Variants in MTUS2 observed in about 807,000 individuals in gnomAD.
MTUS2 encodes microtubule associated scaffold protein 2, also known as microtubule-associated tumor suppressor candidate 2.
In MTUS2, 40 loss-of-function variants were observed where a neutral mutation model predicts 114.1. That is an observed-to-expected ratio of 0.35 (90% CI 0.27 to 0.46). The LOEUF is 0.46. Ranked by LOEUF, MTUS2 falls within the 20% of genes least tolerant of loss-of-function variation. The probability of loss-of-function intolerance (pLI) is 1.00; values close to 1 mark genes in which losing one functional copy is unlikely to be tolerated. For synonymous variants in MTUS2, 688 were observed against 672.0 expected, an observed-to-expected ratio of 1.02 and a Z score of -0.37; for missense variants, 1,679 against 1,705.4, an observed-to-expected ratio of 0.98 and a Z score of 0.27.
chr13:29,310,013 TTATTC>T (rs1408073118), intron 6 of MTUS2, among the ~76,000 whole-genome samples: 1 of 152,204 alleles, frequency 6.6e-6, no homozygotes. Context: ...TAGATCCTAT[TTATTC>T]TATCTAACTA....
chr13:29,323,781 G>T (rs1165104969), intron 6 of MTUS2, among the ~76,000 whole-genome samples: 25 of 152,080 alleles, frequency 1.6e-4, no homozygotes, highest in Admixed American at 1.6e-3. Context: ...GGGTTTGGGG[G>T]TGAGCATGGG....
chr13:29,474,649 A>G (rs1477348795), intron 9 of MTUS2, among the ~76,000 whole-genome samples: 8 of 152,184 alleles, frequency 5.3e-5, no homozygotes. Flanking sequence ...TGATACTACA[A>G]AAAGATTTGC....
intron 5 of MTUS2, among the ~76,000 whole-genome samples, chr13:29,105,663 T>TTTTTTTG (rs1555237248): frequency 4.3e-5 from 6 of 140,356 alleles, no homozygotes; most frequent in Non-Finnish European, 4.7e-5. Flanking sequence ...TTTTCTTTTT[T>TTTTTTTG]TCCTGGTGCA....
At chr13:29,186,524 C>T (rs1894230887) in intron 5 of MTUS2, among the ~76,000 whole-genome samples, 2 of 152,094 alleles carry the variant, frequency 1.3e-5, no homozygotes, top group African/African-American at 4.8e-5. Context: ...CAACAATTAT[C>T]ATTAGAGATG....
At chr13:29,491,445 T>C (rs2138969860) in intron 11 of MTUS2, among the ~76,000 whole-genome samples, 1 of 140,930 alleles carries the variant, frequency 7.1e-6, no homozygotes, top group South Asian at 2.4e-4. Context: ...GTGTGTGTAG[T>C]GGGTGTGTGG....
rs1424114260 is a variant in MTUS2, at chr13:29,265,030, T to C, written c.2645-16674T>C. 2.6e-5 allele frequency among the ~76,000 whole-genome samples: 4 copies of C among 152,382 alleles called. No homozygotes were observed. In the East Asian group the frequency reaches 5.8e-4, roughly 22 times the overall value. On this transcript the variant is annotated intron_variant, in intron 5 of 15. Coordinates refer to ENST00000612955, the MANE Select transcript of MTUS2 (RefSeq NM_001033602.4). Reference sequence around the variant, plus strand: ...ACCAGGCTGCAAATTTTCCAAACTTTTATGCACTGCTTCCCTTTTAAATAT... The same window carrying C: ...ACCAGGCTGCAAATTTTCCAAACTTCTATGCACTGCTTCCCTTTTAAATAT...
intron 1 of MTUS2, among the ~76,000 whole-genome samples, chr13:28,827,707 G>T (rs1209179053): frequency 1.3e-5 from 2 of 152,134 alleles, no homozygotes; most frequent in Non-Finnish European, 1.5e-5. Context: ...AGAGCTGGGT[G>T]TCTGGGGGAG....
intron 5 of MTUS2, among the ~76,000 whole-genome samples, chr13:29,276,391 G>C (rs952408846): frequency 2.0e-5 from 3 of 152,100 alleles, no homozygotes; most frequent in African/African-American, 7.2e-5. Context: ...CTTGCAAATG[G>C]TAAGTTGATG....
chr13:29,005,773 A>G (rs1442563786), intron 2 of MTUS2, among the ~76,000 whole-genome samples: 2 of 152,194 alleles, frequency 1.3e-5, no homozygotes, highest in African/African-American at 2.4e-5. Context: ...GTAACCTGGT[A>G]TTGTTAACCT....
chr13:28,964,624 A>G (rs1485982294), intron 2 of MTUS2, among the ~76,000 whole-genome samples: 1 of 151,312 alleles, frequency 6.6e-6, no homozygotes, highest in African/African-American at 2.4e-5. Flanking sequence ...GGGGATAAAC[A>G]GATCTGTTGC....
chr13:28,882,250 G>T (rs544239541), intron 2 of MTUS2, among the ~76,000 whole-genome samples: 129 of 152,144 alleles, frequency 8.5e-4, no homozygotes, highest in African/African-American at 3.0e-3. Flanking sequence ...GTAGGGGCAG[G>T]TTGGCCAGGC....
At chr13:29,486,796 T>A (rs765440204) in intron 10 of MTUS2, among the ~76,000 whole-genome samples, 7 of 152,218 alleles carry the variant, frequency 4.6e-5, no homozygotes, top group African/African-American at 7.2e-5. Flanking sequence ...CACTGTGATA[T>A]TGTGTACAAT....
At chr13:29,318,074 C>T (rs1211693984) in intron 6 of MTUS2, among the ~76,000 whole-genome samples, 3 of 152,160 alleles carry the variant, frequency 2.0e-5, no homozygotes, top group African/African-American at 7.2e-5. Flanking sequence ...GGGTCAGCCC[C>T]GTGGCATGTG....
chr13:29,144,091 G>A (rs890073394), intron 5 of MTUS2, among the ~76,000 whole-genome samples: 6 of 152,158 alleles, frequency 3.9e-5, no homozygotes, highest in Admixed American at 6.5e-5. Flanking sequence ...AAATGAAGAC[G>A]CAGTCCCTCC....
At chr13:28,989,069 T>A (rs529948920) in intron 2 of MTUS2, among the ~76,000 whole-genome samples, 1 of 152,346 alleles carries the variant, frequency 6.6e-6, no homozygotes, top group East Asian at 1.9e-4. Flanking sequence ...TGCTTTCTTG[T>A]CAGCAGTTTC....
chr13:29,078,948 G>C (rs989852473), intron 4 of MTUS2, among the ~76,000 whole-genome samples: 4 of 152,182 alleles, frequency 2.6e-5, no homozygotes, highest in African/African-American at 9.7e-5. Context: ...AAGGAGGATT[G>C]CTTGGTCACA....
At chr13:29,074,587 C>A (rs530792377) in intron 4 of MTUS2, among the ~76,000 whole-genome samples, 24 of 152,300 alleles carry the variant, frequency 1.6e-4, no homozygotes, top group Non-Finnish European at 1.5e-5. Context: ...TCTCCTACTT[C>A]TTCAGCTTTA....
intron 4 of MTUS2, among the ~76,000 whole-genome samples, chr13:29,061,385 G>A (rs1354426353): frequency 6.6e-6 from 1 of 152,174 alleles, no homozygotes; most frequent in African/African-American, 2.4e-5. Context: ...GCCTGTGTGA[G>A]TTCTGGGAAT....
In MTUS2 at chr13:29,156,414, G is replaced by A. The variant is rs9579298; in HGVS notation, c.2644+55444G>A. Among the ~76,000 whole-genome samples the A allele has an allele frequency of 1.4e-4, 22 of 151,908 alleles. No individual in the cohort carries two copies. In the South Asian group the frequency reaches 2.9e-3, roughly 20 times the overall value. ...TTTTCCAGCCTGCCAAGTGAAAATC[G>A]TGCCCATAGTTGACAAAAGGCTCCC... On this transcript the variant is annotated intron_variant, in intron 5 of 15. Transcript: ENST00000612955.
Sources: allele counts gnomAD v4.1 joint callset (sites outside exome capture counted in the v4.1 genomes callset), GRCh38; gene constraint gnomAD v4.1.1; transcripts MANE v1.5; gene names NCBI Gene and HGNC (gene_info 2026-07-23, HGNC 2026-07-21).